The following TRAPPC12 variants were observed in gnomAD, a reference collection of about 807,000 sequenced individuals.
TRAPPC12 encodes TPR repeat protein 15.
TRAPPC12 carries 61 observed loss-of-function variants against 69.2 expected under a neutral mutation model. The ratio of observed to expected loss-of-function variants is 0.88; its 90% CI spans 0.72 to 1.09. The LOEUF (loss-of-function observed/expected upper bound fraction) is 1.09. Among genes scored for constraint, TRAPPC12 ranks in the 50% least tolerant of loss-of-function variants. The pLI, the probability that TRAPPC12 is intolerant of heterozygous loss-of-function variation, is 0.00. For synonymous variants in TRAPPC12, 469 were observed against 438.9 expected (o/e 1.07, Z -0.86); for missense variants, 1,101 against 1,016.4 (o/e 1.08, Z -1.13).
intron 4 of TRAPPC12, 108 bp from the exon 5 acceptor site, chr2:3,424,417 A>T (rs1363056289): frequency 1.1e-6 from 1 of 941,520 alleles, no homozygotes; most frequent in Non-Finnish European, 1.6e-6. Context: ...GTTAGCCCTT[A>T]TTTTAATATA....
At chr2:3,396,660 A>C (rs1212528345) in intron 2 of TRAPPC12, among the ~76,000 whole-genome samples, 3 of 151,950 alleles carry the variant, frequency 2.0e-5, no homozygotes, top group Admixed American at 6.6e-5. Flanking sequence ...TCTGTGGTTA[A>C]GTTTAGAATT....
intron 9 of TRAPPC12, among the ~76,000 whole-genome samples, chr2:3,473,927 G>T (rs867945204): frequency 6.6e-5 from 10 of 152,316 alleles, no homozygotes; most frequent in Non-Finnish European, 1.2e-4. Flanking sequence ...TCTTTGGATG[G>T]TTTAAAATCA....
In TRAPPC12 at chr2:3,401,872, T is replaced by C. The variant is rs762288839; in HGVS notation, c.1143T>C (p.Phe381=). ...VLNADSVEQS[F]VGLKQLISCR... is the part of the protein sequence containing the mutation. ...ATGCCGACTCAGTGGAACAATCTTT[T>C]GTTGGATTGAAACAGCTAATCGTAA... The change falls in exon 3 of 12, where the codon TTT becomes TTC. Residue 381 remains phenylalanine, a synonymous_variant. Transcript: ENST00000324266. 1.9e-6 allele frequency: 3 copies of C among 1,591,312 alleles called. No individual in the cohort carries two copies. Among genetic ancestry groups the C allele is most frequent in the Non-Finnish European group, 2.6e-6 (3 of 1,170,918 alleles).
At chr2:3,453,380 T>C (rs953026642) in intron 6 of TRAPPC12, among the ~76,000 whole-genome samples, 2 of 152,162 alleles carry the variant, frequency 1.3e-5, no homozygotes, top group Non-Finnish European at 2.9e-5. Context: ...ACCCGGCCCT[T>C]TCTGCCCCTC....
At chr2:3,463,075 A>T in intron 8 of TRAPPC12, 1 of 420,132 alleles carries the variant, frequency 2.4e-6, no homozygotes, top group South Asian at 1.8e-5. Flanking sequence ...CCTGGAAGTA[A>T]GTCATTCATG....
intron 4 of TRAPPC12, 104 bp downstream of exon 4, chr2:3,422,098 A>G (rs1342153799): frequency 2.4e-6 from 2 of 837,608 alleles, no homozygotes; most frequent in East Asian, 2.7e-5. Context: ...GTATGTTTTC[A>G]TATCCTGCTT....
At chr2:3,402,728 ATTGGAAGT>A (rs1661515086) in intron 3 of TRAPPC12, among the ~76,000 whole-genome samples, 1 of 152,240 alleles carries the variant, frequency 6.6e-6, no homozygotes, top group African/African-American at 2.4e-5. Flanking sequence ...AGGAGAAGAT[ATTGGAAGT>A]TTGTCGCGTA....
chr2:3,469,473 A>G (rs909135788), intron 9 of TRAPPC12, among the ~76,000 whole-genome samples: 1 of 152,246 alleles, frequency 6.6e-6, no homozygotes, highest in African/African-American at 2.4e-5. Context: ...ATAAGCAGAA[A>G]AAGTTTATTC....
intron 4 of TRAPPC12, among the ~76,000 whole-genome samples, chr2:3,422,783 T>G (rs1328919673): frequency 6.6e-6 from 1 of 152,248 alleles, no homozygotes; most frequent in Non-Finnish European, 1.5e-5. Flanking sequence ...AATCTTAGGC[T>G]GTTTTCCTAT....
At chr2:3,432,132 T>G (rs1365462080) in intron 5 of TRAPPC12, among the ~76,000 whole-genome samples, 2 of 152,264 alleles carry the variant, frequency 1.3e-5, no homozygotes, top group Admixed American at 1.3e-4. Context: ...GCAGCTTGAT[T>G]ATCTTCACTA....
intron 2 of TRAPPC12, among the ~76,000 whole-genome samples, chr2:3,396,336 C>A (rs181416960): frequency 1.3e-5 from 2 of 151,646 alleles, no homozygotes; most frequent in African/African-American, 2.4e-5. Context: ...TTCTTATCCT[C>A]GCTCCTCTGT....
chr2:3,406,778 A>G (rs1661757706), intron 3 of TRAPPC12, among the ~76,000 whole-genome samples: 1 of 152,212 alleles, frequency 6.6e-6, no homozygotes, highest in Admixed American at 6.5e-5. Context: ...CTTTATAATA[A>G]TGGGTTTAAA....
intron 3 of TRAPPC12, among the ~76,000 whole-genome samples, chr2:3,417,602 C>T (rs574655331): frequency 1.8e-4 from 28 of 152,278 alleles, no homozygotes; most frequent in Admixed American, 1.4e-3. Flanking sequence ...CCCCCCGAGC[C>T]TAGCACAGTG....
intron 2 of TRAPPC12, among the ~76,000 whole-genome samples, chr2:3,398,682 C>G (rs755252698): frequency 4.6e-5 from 7 of 152,238 alleles, no homozygotes; most frequent in Non-Finnish European, 1.0e-4. Context: ...GACTATTCCC[C>G]CATTGCAGGA....
chr2:3,457,092 C>T (rs1335002238), intron 6 of TRAPPC12: 2 of 464,146 alleles, frequency 4.3e-6, no homozygotes, highest in Non-Finnish European at 8.8e-6. Flanking sequence ...AGATGGTGCA[C>T]ATACACTGTG....
At chr2:3,385,463 T>C (rs1461334912) in intron 1 of TRAPPC12, among the ~76,000 whole-genome samples, 2 of 152,182 alleles carry the variant, frequency 1.3e-5, no homozygotes, top group Admixed American at 1.3e-4. Flanking sequence ...TTAGAAGCAT[T>C]TTACCTTAAT....
At chr2:3,450,871 G>T (rs1402102167) in intron 6 of TRAPPC12, among the ~76,000 whole-genome samples, 1 of 151,576 alleles carries the variant, frequency 6.6e-6, no homozygotes, top group Non-Finnish European at 1.5e-5. Flanking sequence ...AACCTATCCC[G>T]TGCTCACCCA....
chr2:3,463,199 A>G (rs969647973), intron 8 of TRAPPC12: 1 of 296,760 alleles, frequency 3.4e-6, no homozygotes, highest in Admixed American at 4.9e-5. Context: ...AAATAAAGTC[A>G]TTAAGTAACC....
chr2:3,418,986 G>T (rs113680786), intron 3 of TRAPPC12, among the ~76,000 whole-genome samples: 1 of 152,054 alleles, frequency 6.6e-6, no homozygotes, highest in South Asian at 2.1e-4. Flanking sequence ...GCCTCCCTCC[G>T]GCCCGCTGGT....
Sources: allele counts gnomAD v4.1 joint callset (sites outside exome capture counted in the v4.1 genomes callset), GRCh38; gene constraint gnomAD v4.1.1; transcripts MANE v1.5; gene names NCBI Gene and HGNC (gene_info 2026-07-23, HGNC 2026-07-21).